Variants in ZNF254 observed in about 807,000 individuals in gnomAD.
ZNF254 encodes zinc finger protein 254, also known as CTD-2017D11.1.
A neutral mutation model predicts 12.4 loss-of-function variants in ZNF254; 10 were observed. That is an observed-to-expected ratio of 0.80 (90% CI 0.50 to 1.36). The LOEUF (loss-of-function observed/expected upper bound fraction) is 1.36, where lower values mean the gene tolerates loss of function less well. ZNF254 is among the 40% of genes most tolerant of loss of function. ZNF254 has a pLI of 0.00. For missense variants in ZNF254, 996 were observed against 763.9 expected (o/e 1.30, Z -3.58); for synonymous variants, 305 against 253.4 (o/e 1.20, Z -1.93).
At chr19:24,107,240 G>GA in intron 3 of ZNF254, 1 of 650,450 alleles carries the variant, frequency 1.5e-6, no homozygotes, top group South Asian at 1.7e-5. Context: ...TTACTGTGAA[G>GA]AAAAACACTG....
In ZNF254 at chr19:24,129,795, C is replaced by A. The variant is rs1349462636; in HGVS notation, c.*1815C>A. 6.6e-6 allele frequency: 1 copy of A among 151,798 alleles called. No individual in the cohort carries two copies. Among genetic ancestry groups the A allele is most frequent in the Admixed American group, 6.6e-5 (1 of 15,258 alleles). 9.4% of individuals were successfully genotyped at this position (151,798 alleles called of 1,614,324 possible). Reference sequence around the variant, plus strand: ...TATGGTCATAATAAAAAATTTTATACAAACGTGTAAAATCTATACATTTCT... The same window carrying A: ...TATGGTCATAATAAAAAATTTTATAAAAACGTGTAAAATCTATACATTTCT... On this transcript the variant is annotated 3_prime_UTR_variant, in exon 4 of 4. Transcript: ENST00000357002.
At chr19:24,078,022 C>T (rs1452844757) in intron 2 of ZNF254, among the ~76,000 whole-genome samples, 1 of 152,164 alleles carries the variant, frequency 6.6e-6, no homozygotes, top group Non-Finnish European at 1.5e-5. Context: ...GAACTTCACC[C>T]AGGGGCATTT....
At chr19:24,109,004 A>T (rs1973501228) in intron 3 of ZNF254, among the ~76,000 whole-genome samples, 1 of 152,180 alleles carries the variant, frequency 6.6e-6, no homozygotes, top group Non-Finnish European at 1.5e-5. Context: ...AAGTACAAAA[A>T]ATTAGCCGGG....
chr19:24,122,959 G>T (rs1044722965), intron 3 of ZNF254, among the ~76,000 whole-genome samples: 2 of 151,108 alleles, frequency 1.3e-5, no homozygotes, highest in African/African-American at 4.9e-5. Context: ...ATTTAATCAA[G>T]AACTTTAATG....
At chr19:24,049,220 T>A (rs1177676092) in intron 2 of ZNF254, among the ~76,000 whole-genome samples, 65 of 122,698 alleles carry the variant, frequency 5.3e-4, no homozygotes, top group South Asian at 1.6e-3. Context: ...ATATATTTTT[T>A]TTTTTTTTTT....
intron 3 of ZNF254, among the ~76,000 whole-genome samples, chr19:24,122,014 A>C (rs1364641163): frequency 6.6e-6 from 1 of 152,058 alleles, no homozygotes; most frequent in Non-Finnish European, 1.5e-5. Flanking sequence ...ACACTTTTGG[A>C]TTTGAATATA....
chr19:24,063,964 T>C (rs1456197179), intron 2 of ZNF254: 2 of 152,148 alleles, frequency 1.3e-5, no homozygotes, highest in African/African-American at 4.8e-5. Flanking sequence ...TTTACCTATG[T>C]GATGTGACAT....
intron 3 of ZNF254, among the ~76,000 whole-genome samples, chr19:24,108,678 C>T (rs1215202118): frequency 6.6e-6 from 1 of 152,090 alleles, no homozygotes; most frequent in Non-Finnish European, 1.5e-5. Flanking sequence ...TTCTTGCTGA[C>T]AGAGGATAAG....
intron 3 of ZNF254, among the ~76,000 whole-genome samples, chr19:24,115,301 T>G (rs1315223004): frequency 2.6e-5 from 4 of 151,978 alleles, no homozygotes; most frequent in Non-Finnish European, 2.9e-5. Context: ...ATAGACTGGA[T>G]TAAGAAAATG....
intron 3 of ZNF254, among the ~76,000 whole-genome samples, chr19:24,116,746 C>T (rs763300958): frequency 2.6e-5 from 4 of 152,178 alleles, no homozygotes; most frequent in East Asian, 1.9e-4. Context: ...TGAGGAACTG[C>T]GTTCCTTTGG....
Position 24,128,083 on chromosome 19 carries a change from C to G in ZNF254, c.*103C>G. On this transcript the variant is annotated 3_prime_UTR_variant, in exon 4 of 4. Coordinates refer to ENST00000357002, the MANE Select transcript of ZNF254 (RefSeq NM_203282.4). ...CTGAGAGAGGCGCTAATGCTTTTGA[C>G]AGTACCTAAAACTTTAAAGAAAATC... The G allele has an allele frequency of 1.7e-6, 2 of 1,193,364 alleles. No homozygotes were observed. The highest frequency in any genetic ancestry group is 2.2e-6 in the Non-Finnish European group (2 of 896,460). 73.9% of individuals were successfully genotyped at this position (1,193,364 alleles called of 1,614,324 possible).
chr19:24,053,647 G>A (rs1970731071), intron 2 of ZNF254, among the ~76,000 whole-genome samples: 1 of 152,160 alleles, frequency 6.6e-6, no homozygotes, highest in Admixed American at 6.5e-5. Flanking sequence ...CCTAGGTCGT[G>A]TGACTCTCCT....
intron 3 of ZNF254, among the ~76,000 whole-genome samples, chr19:24,107,701 T>C (rs759190852): frequency 7.2e-5 from 11 of 152,206 alleles, no homozygotes; most frequent in Non-Finnish European, 1.6e-4. Context: ...TCCACATGCT[T>C]TCAGTGCTAT....
At chr19:24,086,811 T>C (rs1415500207), upstream of ZNF254, among the ~76,000 whole-genome samples, 1 of 152,234 alleles carries the variant, frequency 6.6e-6, no homozygotes, top group Non-Finnish European at 1.5e-5. Context: ...TCAAATTAGC[T>C]TTAGTGCTGA....
At chr19:24,108,289 G>C (rs1973460342) in intron 3 of ZNF254, among the ~76,000 whole-genome samples, 1 of 152,202 alleles carries the variant, frequency 6.6e-6, no homozygotes, top group Non-Finnish European at 1.5e-5. Context: ...CCCAGACTGT[G>C]ACTGGGAAGA....
At chr19:24,037,990 A>G (rs969025952) in intron 1 of ZNF254, among the ~76,000 whole-genome samples, 1 of 151,930 alleles carries the variant, frequency 6.6e-6, no homozygotes, top group Non-Finnish European at 1.5e-5. Context: ...CAGGTAATGC[A>G]CCCGCCTCGG....
Position 24,126,512 on chromosome 19 carries a change from G to T in ZNF254, c.512G>T (p.Arg171Ile). The T allele has an allele frequency of 6.3e-7, 1 of 1,594,722 alleles. No individual in the cohort carries two copies. The highest frequency in any genetic ancestry group is 2.2e-5 in the East Asian group (1 of 44,736). Residue 171 changes from arginine (R) to isoleucine (I), a missense_variant, in exon 4 of 4, where the codon AGA becomes ATA. Arg to Ile is a moderately conservative substitution (Grantham distance 97). Transcript: ENST00000357002. The part of the protein sequence containing the change: ...KVFYKFLNSN[R>I]PKIRHTEKKS... ...TTCTATAAATTTTTAAATTCAAACA[G>T]ACCTAAGATAAGACATACTGAAAAG...
chr19:24,051,526 G>A (rs935160656), intron 2 of ZNF254, among the ~76,000 whole-genome samples: 3 of 152,152 alleles, frequency 2.0e-5, no homozygotes, highest in South Asian at 2.1e-4. Context: ...CCAGAATCCG[G>A]GTGATGTGAC....
chr19:24,118,795 C>T (rs2145934187), intron 3 of ZNF254, among the ~76,000 whole-genome samples: 1 of 151,936 alleles, frequency 6.6e-6, no homozygotes, highest in East Asian at 1.9e-4. Flanking sequence ...TCATGTGTTT[C>T]CCCTATATAT....
Sources: gnomAD v4.1 joint callset for allele counts (sites outside exome capture counted in the v4.1 genomes callset) on GRCh38, gnomAD v4.1.1 for gene constraint, MANE v1.5 for transcripts, NCBI Gene and HGNC (gene_info 2026-07-23, HGNC 2026-07-21) for gene names.